HDAC4: variants seen among roughly 807,000 people sequenced by gnomAD.
The protein encoded by HDAC4 is histone deacetylase A.
A neutral mutation model predicts 135.1 loss-of-function variants in HDAC4; 16 were observed. The ratio of observed to expected loss-of-function variants is 0.12; its 90% confidence interval spans 0.08 to 0.18. HDAC4 has a LOEUF of 0.18. Ranked by LOEUF, HDAC4 falls within the 10% of genes least tolerant of loss-of-function variation. HDAC4 has a pLI of 1.00. For missense variants in HDAC4, 1,143 were observed against 1,511.8 expected (o/e 0.76, Z 4.05); for synonymous variants, 685 against 653.4 (o/e 1.05, Z -0.74).
At chr2:239,381,240 T>C (rs1418943164) in intron 1 of HDAC4, among the ~76,000 whole-genome samples, 7 of 152,242 alleles carry the variant, frequency 4.6e-5, no homozygotes, top group Admixed American at 3.9e-4. Flanking sequence ...CAGTGCTTCG[T>C]TTTAGCATAT....
At chr2:239,062,284 C>T (rs897764813) in intron 24 of HDAC4, among the ~76,000 whole-genome samples, 1 of 152,274 alleles carries the variant, frequency 6.6e-6, no homozygotes, top group Admixed American at 6.5e-5. Context: ...GTCCCGCACA[C>T]CCTATAACTC....
rs1282362035 is a variant in HDAC4 at position 239,308,764 on chromosome 2, G to A, written c.22+43914C>T. Reference sequence around the variant, plus strand: ...AGTGCCAAGACTGCTGTCCGCCAGCGCCCTCACTCCCCCAGGGCCTGTACC... The same window carrying A: ...AGTGCCAAGACTGCTGTCCGCCAGCACCCTCACTCCCCCAGGGCCTGTACC... On this transcript the variant is annotated intron_variant, in intron 2 of 26. Transcript: ENST00000543185. The surrounding 1 kb of genome is among the most constrained non-coding windows in gnomAD (Gnocchi z 4.2). Among the ~76,000 whole-genome samples, 5 of 152,132 alleles carry A rather than the reference G, an allele frequency of 3.3e-5. No individual in the cohort carries two copies. Among genetic ancestry groups the A allele is most frequent in the Non-Finnish European group, 7.3e-5 (5 of 68,030 alleles).
intron 2 of HDAC4, among the ~76,000 whole-genome samples, chr2:239,319,180 T>A (rs916647676): frequency 6.6e-6 from 1 of 152,142 alleles, no homozygotes; most frequent in African/African-American, 2.4e-5. Flanking sequence ...AAAACCAGAA[T>A]ATCTGATATT....
At position 239,141,756 on chromosome 2, in the gene HDAC4, G is replaced by A. The variant is rs146690197; in HGVS notation, c.866-1960C>T. ...TGTGTCGTCAGATAAATACCCTCAC[G>A]CATGTGCCTGGGGAGTCCGGACAAC... is the stretch of plus-strand genomic sequence containing the variant. On this transcript the variant is annotated intron_variant, in intron 8 of 26. Coordinates refer to ENST00000543185, the MANE Select transcript of HDAC4 (RefSeq NM_001378414.1). This position sits in a 1 kb window ranked among gnomAD's most constrained non-coding sequence, Gnocchi z 4.9. Among the ~76,000 whole-genome samples the A allele has an allele frequency of 1.3e-4, 20 of 152,222 alleles. No individual in the cohort carries two copies. Among genetic ancestry groups the A allele is most frequent in the East Asian group, 1.9e-4 (1 of 5,178 alleles).
intron 2 of HDAC4, among the ~76,000 whole-genome samples, chr2:239,333,195 G>A (rs1691703643): frequency 6.6e-6 from 1 of 152,112 alleles, no homozygotes; most frequent in Admixed American, 6.5e-5. Flanking sequence ...TGGCCCATGG[G>A]CCAAGTACAA....
intron 17 of HDAC4, among the ~76,000 whole-genome samples, chr2:239,090,431 CTTTTTTTTT>C (rs76486832): frequency 7.5e-6 from 1 of 132,610 alleles, no homozygotes; most frequent in Non-Finnish European, 1.6e-5. Context: ...GATCTATTTC[CTTTTTTTTT>C]TTTTTTTTTT....
In HDAC4 at chr2:239,397,095, G is replaced by A. The variant is rs564775132; in HGVS notation, c.-220+3883C>T. Among the ~76,000 whole-genome samples, 12 of 152,364 alleles carry A rather than the reference G, an allele frequency of 7.9e-5. No homozygotes were observed. In the East Asian group the frequency reaches 9.6e-4, roughly 12 times the overall value. ...TCAACACAGCACTAGAAAGTCTAAC[G>A]ACACTGAACTAGAAAGGTATTCCAA... On this transcript the variant is annotated intron_variant, in intron 1 of 26. Transcript: ENST00000543185.
At chr2:239,337,537 C>T (rs1004565575) in intron 2 of HDAC4, among the ~76,000 whole-genome samples, 1 of 152,132 alleles carries the variant, frequency 6.6e-6, no homozygotes, top group South Asian at 2.1e-4. Context: ...CAAACACTTC[C>T]ATCTTAATCA....
intron 1 of HDAC4, among the ~76,000 whole-genome samples, chr2:239,396,303 T>C (rs1228941102): frequency 6.6e-6 from 1 of 152,086 alleles, no homozygotes; most frequent in African/African-American, 2.4e-5. Context: ...ATAATACATA[T>C]GGGTCTCTCC....
intron 1 of HDAC4, among the ~76,000 whole-genome samples, chr2:239,393,113 A>C: frequency 6.6e-6 from 1 of 151,738 alleles, no homozygotes; most frequent in East Asian, 1.9e-4. Flanking sequence ...CAGGACTGGG[A>C]CCCCCGGCGT....
At chr2:239,135,390 G>A (rs1360970556) in intron 9 of HDAC4, among the ~76,000 whole-genome samples, 3 of 152,190 alleles carry the variant, frequency 2.0e-5, no homozygotes, top group East Asian at 1.9e-4. Context: ...AGAAAAGCAC[G>A]CGGTGAGGAC....
At chr2:239,128,367 A>G (rs960850780) in intron 11 of HDAC4, among the ~76,000 whole-genome samples, 2 of 152,126 alleles carry the variant, frequency 1.3e-5, no homozygotes, top group African/African-American at 4.8e-5. Context: ...CGTCTCTACT[A>G]AAAATACAAA....
rs1692969534 is a variant in HDAC4 at position 239,349,529 on chromosome 2, A to G, written c.22+3149T>C. ...AAACACAGAGGAACTTCCCGAAACT[A>G]GAGATCTCTGGGGATGGAGCTGCTT... On this transcript the variant is annotated intron_variant, in intron 2 of 26. Coordinates refer to ENST00000543185, the MANE Select transcript of HDAC4 (RefSeq NM_001378414.1). The surrounding 1 kb of genome is among the most constrained non-coding windows in gnomAD (Gnocchi z 5.7). Among the ~76,000 whole-genome samples the G allele has an allele frequency of 6.6e-6, 1 of 152,146 alleles. No individual in the cohort carries two copies. Among genetic ancestry groups the G allele is most frequent in the Non-Finnish European group, 1.5e-5 (1 of 68,014 alleles).
intron 2 of HDAC4, among the ~76,000 whole-genome samples, chr2:239,284,726 C>A (rs1182816938): frequency 6.6e-6 from 1 of 152,136 alleles, no homozygotes; most frequent in Non-Finnish European, 1.5e-5. Flanking sequence ...TGAGCGCCCA[C>A]GCCCCAGAGC....
At chr2:239,127,351 A>G (rs983573463) in intron 11 of HDAC4, among the ~76,000 whole-genome samples, 6 of 152,254 alleles carry the variant, frequency 3.9e-5, no homozygotes, top group Admixed American at 1.3e-4. Context: ...TTTGATTAAA[A>G]GAATCCATTT....
chr2:239,323,082 A>G (rs2053366898), intron 2 of HDAC4, among the ~76,000 whole-genome samples: 1 of 152,204 alleles, frequency 6.6e-6, no homozygotes, highest in Non-Finnish European at 1.5e-5. Context: ...AAGAACAACC[A>G]GCCCCAAACA....
intron 1 of HDAC4, among the ~76,000 whole-genome samples, chr2:239,385,595 G>C (rs1695741255): frequency 6.6e-6 from 1 of 152,254 alleles, no homozygotes; most frequent in Non-Finnish European, 1.5e-5. Context: ...CACGTGCACA[G>C]CACAGCCTAC....
At chr2:239,157,800 T>A (rs2042522277) in intron 6 of HDAC4, among the ~76,000 whole-genome samples, 3 of 152,196 alleles carry the variant, frequency 2.0e-5, no homozygotes, top group Non-Finnish European at 4.4e-5. Flanking sequence ...AGGTGTATAT[T>A]TAAATATTTG....
chr2:239,126,742 G>C (rs758906087), intron 11 of HDAC4, 48 bp from the exon 12 acceptor site: 615 of 1,586,160 alleles, frequency 3.9e-4, no homozygotes, highest in Middle Eastern at 5.2e-4. Flanking sequence ...AGGAAGAAGA[G>C]AGGAGGGAGA....
Sources: allele counts gnomAD v4.1 joint callset (sites outside exome capture counted in the v4.1 genomes callset), GRCh38; gene constraint gnomAD v4.1.1; non-coding constraint Gnocchi (gnomAD v3.1); transcripts MANE v1.5; gene names NCBI Gene and HGNC (gene_info 2026-07-23, HGNC 2026-07-21).